The following AK9 variants were observed in gnomAD, a reference collection of about 807,000 sequenced individuals.
AK9 encodes the protein adenylate kinase domain containing 1.
In AK9, 191 loss-of-function variants were observed where a neutral mutation model predicts 239.6. The observed-to-expected ratio is 0.80, with a 90% CI of 0.71 to 0.90. The LOEUF is 0.90. Among genes scored for constraint, AK9 ranks in the 40% least tolerant of loss-of-function variants. The pLI is 0.00. For synonymous variants in AK9, 689 were observed against 721.0 expected (o/e 0.96, Z 0.71); for missense variants, 1,995 against 2,214.7 (o/e 0.90, Z 1.99).
chr6:109,673,819 T>C (rs1408025630), intron 3 of AK9, among the ~76,000 whole-genome samples: 2 of 151,882 alleles, frequency 1.3e-5, no homozygotes, highest in African/African-American at 2.4e-5. Context: ...CAAAACATTA[T>C]TGGATTGATA....
intron 12 of AK9, among the ~76,000 whole-genome samples, chr6:109,626,396 T>C (rs1486803379): frequency 6.6e-6 from 1 of 152,218 alleles, no homozygotes; most frequent in African/African-American, 2.4e-5. Flanking sequence ...TTGGACATTG[T>C]GGATGATACA....
At chr6:109,581,712 T>C (rs1788881755) in intron 19 of AK9, among the ~76,000 whole-genome samples, 1 of 152,204 alleles carries the variant, frequency 6.6e-6, no homozygotes, top group Admixed American at 6.5e-5. Context: ...ATGTAGGAGC[T>C]GCAATAAGTT....
chr6:109,649,051 C>T lies in AK9; in HGVS notation c.760-4363G>A, dbSNP rs185321930. Among the ~76,000 whole-genome samples the T allele has an allele frequency of 2.5e-3, 384 of 152,290 alleles. 1 individual carries two copies. Among genetic ancestry groups the T allele is most frequent in the African/African-American group, 8.9e-3 (369 of 41,558 alleles). The stretch of plus-strand genomic sequence containing the variant: ...TGACAAAATTCAACAACCGTTCATG[C>T]TAAAAACTCTCAATAAATTAGTTAT... On this transcript the variant is annotated intron_variant, in intron 8 of 40. Coordinates refer to ENST00000424296, the MANE Select transcript of AK9 (RefSeq NM_001145128.3).
chr6:109,623,975 T>C (rs1251141214), intron 12 of AK9, among the ~76,000 whole-genome samples: 1 of 151,686 alleles, frequency 6.6e-6, no homozygotes, highest in African/African-American at 2.4e-5. Context: ...TAATATGCAT[T>C]ATTCATGTTA....
intron 35 of AK9, among the ~76,000 whole-genome samples, chr6:109,504,355 C>A (rs1777893972): frequency 6.6e-6 from 1 of 151,850 alleles, no homozygotes; most frequent in Non-Finnish European, 1.5e-5. Context: ...CAGAGCAAGC[C>A]CCTGTCTCAA....
chr6:109,629,602 T>A (rs1795900371), intron 12 of AK9, among the ~76,000 whole-genome samples: 1 of 152,118 alleles, frequency 6.6e-6, no homozygotes, highest in Non-Finnish European at 1.5e-5. Flanking sequence ...AGAATTTTCT[T>A]TTGGAGATGT....
Position 109,493,270 on chromosome 6 carries a change from G to A in AK9, c.*99C>T. 7.8e-7 allele frequency: 1 copy of A among 1,286,240 alleles called. No homozygotes were observed. The highest frequency in any genetic ancestry group is 2.0e-5 in the Admixed American group (1 of 49,310). 79.7% of individuals were successfully genotyped at this position (1,286,240 alleles called of 1,614,324 possible). ...ATGGTACCTTGCTCAGGAGGCAAAA[G>A]TACTTCCAAGAGGCCCAGATTTTCA... On this transcript the variant is annotated 3_prime_UTR_variant, in exon 41 of 41. Coordinates refer to ENST00000424296, the MANE Select transcript of AK9 (RefSeq NM_001145128.3).
At chr6:109,676,779 TTGCACACA>T (rs1171350794) in intron 1 of AK9, among the ~76,000 whole-genome samples, 2 of 152,036 alleles carry the variant, frequency 1.3e-5, no homozygotes, top group Admixed American at 6.6e-5. Flanking sequence ...ATCATGTCCT[TTGCACACA>T]TGCACACATA....
intron 31 of AK9, among the ~76,000 whole-genome samples, chr6:109,515,450 G>A (rs1463482874): frequency 6.6e-6 from 1 of 152,126 alleles, no homozygotes; most frequent in Non-Finnish European, 1.5e-5. Flanking sequence ...GCATCAGATG[G>A]GCAAGTGTCA....
chr6:109,580,514 T>C (rs1788694753), intron 19 of AK9, among the ~76,000 whole-genome samples: 1 of 152,200 alleles, frequency 6.6e-6, no homozygotes, highest in South Asian at 2.1e-4. Context: ...CAGGTATTCA[T>C]CGGTTAAGGA....
At chr6:109,593,488 G>C (rs1339347367) in intron 17 of AK9, among the ~76,000 whole-genome samples, 2 of 152,134 alleles carry the variant, frequency 1.3e-5, no homozygotes, top group East Asian at 3.9e-4. Flanking sequence ...GACAGAAAAA[G>C]AGGGACTCCT....
At chr6:109,674,121 A>G (rs1771343536) in intron 3 of AK9, 77 bp downstream of exon 3, 3 of 1,198,002 alleles carry the variant, frequency 2.5e-6, no homozygotes, top group Admixed American at 5.5e-5. Context: ...ATGGGCATTC[A>G]CTGTATAATT....
chr6:109,667,502 A>T (rs191060783), intron 5 of AK9, among the ~76,000 whole-genome samples: 2 of 152,160 alleles, frequency 1.3e-5, no homozygotes, highest in African/African-American at 4.8e-5. Context: ...TGCTGCACCC[A>T]TTAACTCGTC....
At chr6:109,518,168 G>T (rs1779458385) in intron 29 of AK9, among the ~76,000 whole-genome samples, 1 of 152,140 alleles carries the variant, frequency 6.6e-6, no homozygotes, top group Admixed American at 6.5e-5. Flanking sequence ...GGATTCGGGT[G>T]TGTGAGGGCA....
At chr6:109,571,059 T>C (rs1360982178) in intron 21 of AK9, among the ~76,000 whole-genome samples, 1 of 152,206 alleles carries the variant, frequency 6.6e-6, no homozygotes, top group Non-Finnish European at 1.5e-5. Flanking sequence ...CTAAGTTGTT[T>C]TATATATGTG....
At chr6:109,518,755 A>G (rs917801318) in intron 29 of AK9, among the ~76,000 whole-genome samples, 7 of 152,064 alleles carry the variant, frequency 4.6e-5, no homozygotes, top group Admixed American at 3.9e-4. Context: ...TTAGCAATAT[A>G]TTTAAATTTC....
intron 17 of AK9, among the ~76,000 whole-genome samples, chr6:109,601,353 G>T (rs1177769599): frequency 6.6e-6 from 1 of 152,190 alleles, no homozygotes; most frequent in Non-Finnish European, 1.5e-5. Flanking sequence ...TCATTCAGGA[G>T]CAGGTTGTTG....
chr6:109,568,156 A>G (rs1001679368), intron 21 of AK9, among the ~76,000 whole-genome samples: 1 of 152,234 alleles, frequency 6.6e-6, no homozygotes, highest in Non-Finnish European at 1.5e-5. Context: ...TCCAGCATAT[A>G]AACACAACAA....
intron 28 of AK9, 92 bp downstream of exon 28, chr6:109,533,159 G>A (rs1177899485): frequency 1.1e-6 from 1 of 926,988 alleles, no homozygotes; most frequent in Non-Finnish European, 1.5e-6. Flanking sequence ...ATTAAAATTA[G>A]AATACTATAT....
Sources: allele counts gnomAD v4.1 joint callset (sites outside exome capture counted in the v4.1 genomes callset), GRCh38; gene constraint gnomAD v4.1.1; transcripts MANE v1.5; gene names NCBI Gene and HGNC (gene_info 2026-07-23, HGNC 2026-07-21).